The following PPP6R3 variants were observed in gnomAD, a reference collection of about 807,000 sequenced individuals.
PPP6R3 encodes the protein serine/threonine-protein phosphatase 6 regulatory subunit 3.
Under a neutral mutation model 110.7 loss-of-function variants are expected in PPP6R3, and 38 were observed. That is an observed-to-expected ratio of 0.34 (90% CI 0.26 to 0.45). The LOEUF (loss-of-function observed/expected upper bound fraction) is 0.45, where lower values mean the gene tolerates loss of function less well. PPP6R3 is among the 20% of genes least tolerant of loss of function. The pLI is 1.00. For synonymous variants in PPP6R3, 369 were observed against 373.5 expected (o/e 0.99, Z 0.14); for missense variants, 870 against 1,062.4 (o/e 0.82, Z 2.52).
intron 20 of PPP6R3, 58 bp from the exon 21 acceptor site, chr11:68,601,805 T>C: frequency 7.3e-7 from 1 of 1,377,512 alleles, no homozygotes; most frequent in East Asian, 2.3e-5. Context: ...TTGTGAATCT[T>C]GGGGTAACTG....
chr11:68,595,793 G>C (rs2099612189), intron 18 of PPP6R3, among the ~76,000 whole-genome samples: 2 of 152,192 alleles, frequency 1.3e-5, no homozygotes, highest in Non-Finnish European at 2.9e-5. Flanking sequence ...TGGTCATTAG[G>C]AAAGTACAAA....
intron 1 of PPP6R3, chr11:68,488,853 G>A (rs962284478): frequency 6.6e-6 from 1 of 152,118 alleles, no homozygotes; most frequent in Non-Finnish European, 1.5e-5. Flanking sequence ...TGATCTTGAA[G>A]GTGGCAACAG....
chr11:68,590,650 T>G lies in PPP6R3; in HGVS notation c.1731-10T>G. 6.3e-7 allele frequency: 1 copy of G among 1,576,746 alleles called. No homozygotes were observed. ...AATGCTTCCTACACTTTTATTTTGTTTTTTTACAGTGTTTCTTTTGATCGA... is the reference window on the plus strand; with the variant it reads ...AATGCTTCCTACACTTTTATTTTGTGTTTTTACAGTGTTTCTTTTGATCGA... On this transcript the variant is annotated splice_polypyrimidine_tract_variant and intron_variant, in intron 16 of 23. Coordinates refer to ENST00000393800, the MANE Select transcript of PPP6R3 (RefSeq NM_001164161.2).
chr11:68,501,602 C>G (rs904155218), intron 1 of PPP6R3, among the ~76,000 whole-genome samples: 1 of 152,260 alleles, frequency 6.6e-6, no homozygotes, highest in African/African-American at 2.4e-5. Flanking sequence ...GCTGGGATTA[C>G]AGGCGTGAGC....
intron 1 of PPP6R3, among the ~76,000 whole-genome samples, chr11:68,508,383 A>G (rs498782): frequency 0.39 from 59,004 of 151,124 alleles, 12,727 homozygotes; most frequent in African/African-American, 0.57. Context: ...ACCCACCTCC[A>G]CCTCTCACAG....
At chr11:68,592,495 T>C (rs1263441508) in intron 18 of PPP6R3, among the ~76,000 whole-genome samples, 1 of 152,218 alleles carries the variant, frequency 6.6e-6, no homozygotes, top group Non-Finnish European at 1.5e-5. Flanking sequence ...GCATCACCTC[T>C]CGCTGCCAGT....
intron 22 of PPP6R3, among the ~76,000 whole-genome samples, chr11:68,606,589 T>G (rs1221707436): frequency 6.6e-6 from 1 of 151,960 alleles, no homozygotes; most frequent in Non-Finnish European, 1.5e-5. Context: ...GTGCTGGGAT[T>G]ACAGATGTGA....
intron 1 of PPP6R3, among the ~76,000 whole-genome samples, chr11:68,485,337 CAG>C (rs1352920464): frequency 7.0e-6 from 1 of 142,998 alleles, no homozygotes; most frequent in Non-Finnish European, 1.5e-5. Context: ...TCAACAAAGA[CAG>C]TTTTATTTTA....
chr11:68,500,181 A>T (rs1383518532), intron 1 of PPP6R3, among the ~76,000 whole-genome samples: 4 of 152,182 alleles, frequency 2.6e-5, no homozygotes, highest in Non-Finnish European at 5.9e-5. Context: ...CATTTGCTTG[A>T]TATTATTCAA....
intron 1 of PPP6R3, among the ~76,000 whole-genome samples, chr11:68,479,980 C>G (rs747601024): frequency 8.6e-5 from 13 of 151,974 alleles, no homozygotes; most frequent in Non-Finnish European, 1.6e-4. Flanking sequence ...GATTATCCTG[C>G]CTTGCCCTCC....
intron 5 of PPP6R3, among the ~76,000 whole-genome samples, chr11:68,549,481 A>G (rs1228009820): frequency 1.3e-5 from 2 of 151,868 alleles, no homozygotes; most frequent in African/African-American, 2.4e-5. Flanking sequence ...CACTGTGATC[A>G]CTGTGAGTAA....
intron 2 of PPP6R3, among the ~76,000 whole-genome samples, chr11:68,520,994 A>G (rs543628197): frequency 2.6e-4 from 39 of 150,580 alleles, no homozygotes; most frequent in African/African-American, 9.0e-4. Context: ...CTGGTCTTGA[A>G]CTCCTGGCCT....
chr11:68,487,046 C>G (rs996723536), intron 1 of PPP6R3, among the ~76,000 whole-genome samples: 27 of 151,950 alleles, frequency 1.8e-4, no homozygotes, highest in African/African-American at 6.5e-4. Context: ...TTGTCTTTTT[C>G]TCTCTTGATT....
At chr11:68,470,482 G>T (rs1008743044) in intron 1 of PPP6R3, among the ~76,000 whole-genome samples, 1 of 152,124 alleles carries the variant, frequency 6.6e-6, no homozygotes, top group Admixed American at 6.5e-5. Context: ...GGGGAGATGG[G>T]GGGAGGGCGT....
At chr11:68,477,786 A>G (rs1236122566) in intron 1 of PPP6R3, among the ~76,000 whole-genome samples, 1 of 139,146 alleles carries the variant, frequency 7.2e-6, no homozygotes, top group African/African-American at 2.7e-5. Flanking sequence ...TCCAACTTAC[A>G]GTCGATTTTT....
intron 16 of PPP6R3, among the ~76,000 whole-genome samples, chr11:68,588,327 C>T (rs188298853): frequency 2.6e-5 from 4 of 152,026 alleles, no homozygotes; most frequent in Admixed American, 6.5e-5. Flanking sequence ...GGTGAAACCC[C>T]GTCTCTACCA....
chr11:68,507,661 T>C (rs1157582310), intron 1 of PPP6R3, among the ~76,000 whole-genome samples: 1 of 152,116 alleles, frequency 6.6e-6, no homozygotes, highest in East Asian at 1.9e-4. Flanking sequence ...CAATGGGATT[T>C]TTGAGATTTG....
chr11:68,572,859 T>C (rs1218408598), intron 12 of PPP6R3, among the ~76,000 whole-genome samples: 1 of 70 alleles, frequency 0.014, no homozygotes, highest in East Asian at 0.25. Context: ...TAATCAACCC[T>C]GTACTTCTTA....
intron 1 of PPP6R3, among the ~76,000 whole-genome samples, chr11:68,483,013 GTTA>G (rs1041013294): frequency 5.3e-5 from 8 of 151,964 alleles, no homozygotes; most frequent in South Asian, 2.1e-4. Flanking sequence ...AGATTTTGTT[GTTA>G]TTATCACAAA....
Sources: gnomAD v4.1 joint callset for allele counts (sites outside exome capture counted in the v4.1 genomes callset) on GRCh38, gnomAD v4.1.1 for gene constraint, MANE v1.5 for transcripts, NCBI Gene and HGNC (gene_info 2026-07-23, HGNC 2026-07-21) for gene names.